Variants in ZBTB8A observed in about 807,000 individuals in gnomAD.
ZBTB8A encodes zinc finger and BTB domain-containing protein 8A.
A neutral mutation model predicts 37.8 loss-of-function variants in ZBTB8A; 19 were observed. The ratio of observed to expected loss-of-function variants is 0.50; its 90% CI spans 0.35 to 0.74. The LOEUF is 0.74. Ranked by LOEUF, ZBTB8A falls within the 30% of genes least tolerant of loss-of-function variation. The pLI is 0.01. For synonymous variants in ZBTB8A, 181 were observed against 185.2 expected (o/e 0.98, Z 0.19); for missense variants, 394 against 537.8 (o/e 0.73, Z 2.65).
chr1:32,600,643 G>A lies in ZBTB8A; in HGVS notation c.*224G>A. 4 of 476,782 alleles carry A rather than the reference G, an allele frequency of 8.4e-6. No individual in the cohort carries two copies. Among genetic ancestry groups the A allele is most frequent in the Non-Finnish European group, 1.5e-5 (4 of 268,664 alleles). 29.5% of individuals were successfully genotyped at this position (476,782 alleles called of 1,614,324 possible). On this transcript the variant is annotated 3_prime_UTR_variant, in exon 5 of 5. Transcript: ENST00000373510. Reference sequence around the variant, plus strand: ...GGAAAGAAAGAACTAGCTTGAGTTGGCTTGATGGATGAACAATTATCCTCT... The same window carrying A: ...GGAAAGAAAGAACTAGCTTGAGTTGACTTGATGGATGAACAATTATCCTCT...
At chr1:32,559,340 G>C (rs565288820) in intron 2 of ZBTB8A, among the ~76,000 whole-genome samples, 170 of 152,222 alleles carry the variant, frequency 1.1e-3, no homozygotes, top group Non-Finnish European at 2.1e-3. Flanking sequence ...TCAAACTCCT[G>C]ACCTCCAGTG....
rs114134312 is a variant in ZBTB8A, at chr1:32,547,232, T to C, written c.-83-6227T>C. On this transcript the variant is annotated intron_variant, in intron 1 of 4. Transcript: ENST00000373510. The stretch of plus-strand genomic sequence containing the variant: ...GGAAGTTTTATTCCAAAATCTGCAA[T>C]GTATTTTTCATCACCAGAAGATACC... 1.9e-3 allele frequency among the ~76,000 whole-genome samples: 291 copies of C among 152,234 alleles called. 1 individual carries two copies. Among genetic ancestry groups the C allele is most frequent in the African/African-American group, 6.5e-3 (272 of 41,538 alleles).
chr1:32,572,592 C>T (rs1180320977), intron 2 of ZBTB8A, among the ~76,000 whole-genome samples: 2 of 151,946 alleles, frequency 1.3e-5, no homozygotes, highest in African/African-American at 2.4e-5. Flanking sequence ...GATGGGGTTT[C>T]GCCATGTTGG....
At chr1:32,551,412 ACT>A (rs71781347) in intron 1 of ZBTB8A, among the ~76,000 whole-genome samples, 17,125 of 151,094 alleles carry the variant, frequency 0.11, 1,041 homozygotes, top group African/African-American at 0.18. Context: ...ACAGAGTGAG[ACT>A]CTCTCTCAAA....
chr1:32,558,287 C>A (rs1345679451), intron 2 of ZBTB8A, among the ~76,000 whole-genome samples: 1 of 152,084 alleles, frequency 6.6e-6, no homozygotes. Context: ...AATCATTTAT[C>A]TTAGCATCTA....
intron 2 of ZBTB8A, among the ~76,000 whole-genome samples, chr1:32,588,976 T>G (rs925799163): frequency 1.3e-5 from 2 of 151,642 alleles, no homozygotes; most frequent in Admixed American, 1.3e-4. Flanking sequence ...AGAGTGAGAC[T>G]CTATCTCAAA....
chr1:32,542,014 A>G (rs1644059877), intron 1 of ZBTB8A, among the ~76,000 whole-genome samples: 1 of 152,138 alleles, frequency 6.6e-6, no homozygotes, highest in Non-Finnish European at 1.5e-5. Context: ...TTAAACTTAC[A>G]ATGTTTTCAA....
At chr1:32,560,299 A>G (rs1644233510) in intron 2 of ZBTB8A, among the ~76,000 whole-genome samples, 1 of 152,138 alleles carries the variant, frequency 6.6e-6, no homozygotes, top group African/African-American at 2.4e-5. Flanking sequence ...TTCAAACTAT[A>G]TCACTACTGA....
intron 1 of ZBTB8A, among the ~76,000 whole-genome samples, chr1:32,545,545 T>C (rs552535687): frequency 6.6e-6 from 1 of 152,138 alleles, no homozygotes; most frequent in African/African-American, 2.4e-5. Flanking sequence ...TATAATCCTG[T>C]GTTTCTTCTT....
chr1:32,570,932 A>G (rs1040431752), intron 2 of ZBTB8A, among the ~76,000 whole-genome samples: 3 of 151,006 alleles, frequency 2.0e-5, no homozygotes, highest in South Asian at 2.1e-4. Flanking sequence ...CTGGAGTGCA[A>G]TGGTGCAATC....
In ZBTB8A at chr1:32,593,349, GC is replaced by G; in HGVS notation, c.420del (p.Asn141IlefsTer5). 1 of 1,614,164 alleles carries G rather than the reference GC, an allele frequency of 6.2e-7. No individual in the cohort carries two copies. Among genetic ancestry groups the G allele is most frequent in the Non-Finnish European group, 8.5e-7 (1 of 1,180,036 alleles). ...DRYFSLSDKD[A>X]NSNGVERSSF... ...CTATTTCAGTCTCTCAGATAAAGAT[GC>G]CAATTCTAATGGTGTAGAACGTTCC... On this transcript the variant is annotated frameshift_variant, in exon 3 of 5. Coordinates refer to ENST00000373510, the MANE Select transcript of ZBTB8A (RefSeq NM_001040441.3). LOFTEE classifies it high-confidence loss of function.
At chr1:32,557,462 T>C (rs1373249463) in intron 2 of ZBTB8A, among the ~76,000 whole-genome samples, 1 of 152,106 alleles carries the variant, frequency 6.6e-6, no homozygotes, top group Non-Finnish European at 1.5e-5. Context: ...TTAAATAACA[T>C]TTAATTTAAA....
At chr1:32,570,574 A>C (rs532611849) in intron 2 of ZBTB8A, among the ~76,000 whole-genome samples, 1 of 152,148 alleles carries the variant, frequency 6.6e-6, no homozygotes, top group Non-Finnish European at 1.5e-5. Context: ...TAGATTGTTT[A>C]TATTTCTCTC....
At chr1:32,596,225 C>T (rs1367615096) in intron 4 of ZBTB8A, among the ~76,000 whole-genome samples, 1 of 152,046 alleles carries the variant, frequency 6.6e-6, no homozygotes, top group African/African-American at 2.4e-5. Context: ...AAAAAATTAG[C>T]CAGGCGTGGT....
chr1:32,595,353 T>A (rs1328547289), intron 4 of ZBTB8A, 130 bp downstream of exon 4: 2 of 873,410 alleles, frequency 2.3e-6, no homozygotes, highest in African/African-American at 3.4e-5. Flanking sequence ...CTGCAACCTC[T>A]GCCTCCCGGG....
At chr1:32,584,039 T>C (rs1644427369) in intron 2 of ZBTB8A, among the ~76,000 whole-genome samples, 8 of 152,058 alleles carry the variant, frequency 5.3e-5, no homozygotes, top group Admixed American at 4.6e-4. Flanking sequence ...ATTACAGGTG[T>C]AAGCCACCAC....
At chr1:32,592,809 C>A in intron 2 of ZBTB8A, 122 bp from the exon 3 acceptor site, 2 of 790,620 alleles carry the variant, frequency 2.5e-6, no homozygotes, top group Non-Finnish European at 3.9e-6. Flanking sequence ...TGCCCAGCCA[C>A]AGTGAGCTTT....
chr1:32,584,618 C>T (rs1436587103), intron 2 of ZBTB8A, among the ~76,000 whole-genome samples: 1 of 149,950 alleles, frequency 6.7e-6, no homozygotes, highest in Non-Finnish European at 1.5e-5. Context: ...CTCGAGGGGT[C>T]CTGCCACCTC....
chr1:32,560,868 T>C (rs1277955868), intron 2 of ZBTB8A, among the ~76,000 whole-genome samples: 28 of 152,016 alleles, frequency 1.8e-4, no homozygotes, highest in African/African-American at 5.8e-4. Flanking sequence ...TCAAGTGATC[T>C]GCCCACCTTG....
Sources: allele counts gnomAD v4.1 joint callset (sites outside exome capture counted in the v4.1 genomes callset), GRCh38; gene constraint gnomAD v4.1.1; transcripts MANE v1.5; gene names NCBI Gene and HGNC (gene_info 2026-07-23, HGNC 2026-07-21).